The following DAPK2 variants were observed in gnomAD, a reference collection of about 807,000 sequenced individuals.
DAPK2 encodes death associated protein kinase 2.
DAPK2 carries 35 observed loss-of-function variants against 44.1 expected under a neutral mutation model. The observed-to-expected ratio is 0.79, with a 90% CI of 0.61 to 1.05. The LOEUF (loss-of-function observed/expected upper bound fraction) is 1.05, where lower values mean the gene tolerates loss of function less well. Ranked by LOEUF, DAPK2 falls within the 50% of genes least tolerant of loss-of-function variation. The pLI is 0.00. For synonymous variants in DAPK2, 174 were observed against 182.6 expected, an observed-to-expected ratio of 0.95 and a Z score of 0.38; for missense variants, 453 against 483.2, an observed-to-expected ratio of 0.94 and a Z score of 0.59.
intron 1 of DAPK2, among the ~76,000 whole-genome samples, chr15:63,989,666 TAC>T (rs976968414): frequency 3.9e-5 from 6 of 152,126 alleles, no homozygotes; most frequent in African/African-American, 1.4e-4. Context: ...TATACATACA[TAC>T]ACACACATAC....
chr15:63,982,743 T>C (rs983050904), intron 2 of DAPK2, among the ~76,000 whole-genome samples: 15 of 152,218 alleles, frequency 9.9e-5, no homozygotes, highest in African/African-American at 3.4e-4. Context: ...TGGACTCAAG[T>C]CCTGGTCCTG....
chr15:64,041,268 A>T (rs1037180072), upstream of DAPK2, among the ~76,000 whole-genome samples: 2 of 152,140 alleles, frequency 1.3e-5, no homozygotes, highest in Admixed American at 1.3e-4. Flanking sequence ...CTTTGCCTAC[A>T]ACTAGCTCTG....
At chr15:63,930,436 G>A (rs199809638) in exon 5 of DAPK2, 44 of 1,614,164 alleles carry the variant, frequency 2.7e-5, no homozygotes, top group Middle Eastern at 1.6e-4. Flanking sequence ...CCAGGGGCTC[G>A]TAGTTCACAA....
intron 4 of DAPK2, among the ~76,000 whole-genome samples, chr15:63,936,979 C>CAAAAAA (rs56052031): frequency 6.9e-5 from 9 of 129,834 alleles, no homozygotes; most frequent in Admixed American, 2.4e-4. Flanking sequence ...GACCCTGTCT[C>CAAAAAA]AAAAAAAAAA....
rs542324415 is a variant in DAPK2 at position 63,991,429 on chromosome 15, GC to G, written c.93-7676del. The G allele has an allele frequency of 5.0e-3, 2,123 of 426,260 alleles. 26 individuals are homozygous for G. The highest frequency in any genetic ancestry group is 0.012 in the Middle Eastern group (19 of 1,556). The allele number at this position is 426,260 out of a possible 1,614,324, so 26.4% of individuals were successfully genotyped here. Reference sequence around the variant, plus strand: ...ATGACCCAGGCCCCTCGTTTCATGAGCCTGTTTCCCCTCCCTGACCTTGTTG... The same window carrying G: ...ATGACCCAGGCCCCTCGTTTCATGAGCTGTTTCCCCTCCCTGACCTTGTTG... On this transcript the variant is annotated intron_variant, in intron 1 of 10. Transcript: ENST00000261891.
chr15:64,022,737 T>C (rs2079724959), intron 1 of DAPK2, among the ~76,000 whole-genome samples: 1 of 152,172 alleles, frequency 6.6e-6, no homozygotes, highest in Non-Finnish European at 1.5e-5. Flanking sequence ...GAAGATCTCT[T>C]GCGCCCAGGA....
chr15:63,988,676 T>G (rs1281299992), intron 1 of DAPK2, among the ~76,000 whole-genome samples: 1 of 151,712 alleles, frequency 6.6e-6, no homozygotes, highest in African/African-American at 2.4e-5. Context: ...GCTAATTTTT[T>G]TCTATTTTTA....
chr15:63,970,313 T>C (rs1386805815), intron 3 of DAPK2, among the ~76,000 whole-genome samples: 1 of 152,248 alleles, frequency 6.6e-6, no homozygotes, highest in Admixed American at 6.5e-5. Context: ...TGTACTTCCC[T>C]GAATGCATTG....
chr15:64,037,979 G>C (rs1019189256), intron 1 of DAPK2, among the ~76,000 whole-genome samples: 4 of 152,170 alleles, frequency 2.6e-5, no homozygotes, highest in African/African-American at 9.7e-5. Context: ...AGCTGCATGG[G>C]ATCTCCACAC....
chr15:64,046,453 G>T (rs1173101430), upstream of DAPK2: 1 of 211,596 alleles, frequency 4.7e-6, no homozygotes. This position sits in a 1 kb window ranked among gnomAD's most constrained non-coding sequence, Gnocchi z 5.3. Flanking sequence ...CAGAGCGCCC[G>T]GCACCCGCCC....
intron 3 of DAPK2, among the ~76,000 whole-genome samples, chr15:63,959,331 T>G (rs559742021): frequency 6.6e-6 from 1 of 152,216 alleles, no homozygotes; most frequent in African/African-American, 2.4e-5. Flanking sequence ...CTTTTCCTAA[T>G]TGAATACCCT....
chr15:63,995,063 C>G (rs2140931688), intron 1 of DAPK2, among the ~76,000 whole-genome samples: 2 of 151,968 alleles, frequency 1.3e-5, no homozygotes, highest in Admixed American at 1.3e-4. Flanking sequence ...ACAGGTAAAC[C>G]ATGGTTTTTA....
At chr15:63,922,807 G>T (rs1027240155) in intron 8 of DAPK2, 8 of 1,535,742 alleles carry the variant, frequency 5.2e-6, no homozygotes, top group Non-Finnish European at 6.1e-6. Context: ...ATTCACTGGT[G>T]TCCTGGTAGA....
chr15:63,953,369 A>G (rs964720178), intron 3 of DAPK2, among the ~76,000 whole-genome samples: 1 of 152,194 alleles, frequency 6.6e-6, no homozygotes. Context: ...GAGAACATAC[A>G]AAGTTTGTCT....
chr15:64,036,608 G>A (rs2080219974), intron 1 of DAPK2, among the ~76,000 whole-genome samples: 1 of 151,800 alleles, frequency 6.6e-6, no homozygotes, highest in Non-Finnish European at 1.5e-5. Flanking sequence ...AGACCCTTTT[G>A]AGTCTGCCTT....
At chr15:63,972,391 G>C (rs544092230) in intron 2 of DAPK2, among the ~76,000 whole-genome samples, 1 of 152,172 alleles carries the variant, frequency 6.6e-6, no homozygotes, top group Non-Finnish European at 1.5e-5. Context: ...GGACTGTAAG[G>C]GTGGTCCTGG....
At chr15:63,962,020 T>G (rs2077915732) in intron 3 of DAPK2, among the ~76,000 whole-genome samples, 1 of 152,204 alleles carries the variant, frequency 6.6e-6, no homozygotes, top group Non-Finnish European at 1.5e-5. Context: ...AGTCCATATT[T>G]CTTGGAGGCT....
chr15:63,953,690 ACCT>A (rs2077649395), intron 3 of DAPK2, among the ~76,000 whole-genome samples: 1 of 151,918 alleles, frequency 6.6e-6, no homozygotes, highest in African/African-American at 2.4e-5. Context: ...TTTTTGAGGA[ACCT>A]CCAAATGTTC....
At chr15:63,983,497 C>A (rs569378532) in intron 2 of DAPK2, 36 bp downstream of exon 3, 2 of 1,592,708 alleles carry the variant, frequency 1.3e-6, no homozygotes, top group Non-Finnish European at 1.7e-6. Flanking sequence ...GCCCCTGCTG[C>A]CCCCCAACCC....
Sources: gnomAD v4.1 joint callset for allele counts (sites outside exome capture counted in the v4.1 genomes callset) on GRCh38, gnomAD v4.1.1 for gene constraint, Gnocchi (gnomAD v3.1) non-coding constraint, MANE v1.5 for transcripts, NCBI Gene and HGNC (gene_info 2026-07-23, HGNC 2026-07-21) for gene names.